The following KCNK1 variants were observed in gnomAD, a reference collection of about 807,000 sequenced individuals.
The protein encoded by KCNK1 is potassium channel subfamily K member 1.
A neutral mutation model predicts 22.2 loss-of-function variants in KCNK1; 10 were observed. That is an observed-to-expected ratio of 0.45 (90% confidence interval 0.28 to 0.76). The LOEUF (loss-of-function observed/expected upper bound fraction) is 0.76, where lower values mean the gene tolerates loss of function less well. Among genes scored for constraint, KCNK1 ranks in the 30% least tolerant of loss-of-function variants. KCNK1 has a pLI of 0.14. For missense variants in KCNK1, 378 were observed against 421.0 expected (o/e 0.90, Z 0.89); for synonymous variants, 200 against 186.4 (o/e 1.07, Z -0.60).
chr1:233,627,632 G>A (rs573076572), intron 1 of KCNK1, among the ~76,000 whole-genome samples: 31 of 152,110 alleles, frequency 2.0e-4, no homozygotes, highest in Non-Finnish European at 2.5e-4. Flanking sequence ...GGGCGGGTGC[G>A]GATGAGCTGA....
At chr1:233,623,650 G>A (rs528665844) in intron 1 of KCNK1, among the ~76,000 whole-genome samples, 7 of 152,300 alleles carry the variant, frequency 4.6e-5, no homozygotes, top group East Asian at 3.9e-4. Flanking sequence ...GTGCAGTGGC[G>A]TGATCTCAGA....
Position 233,672,215 on chromosome 1 carries a change from A to G in KCNK1, c.*685A>G, listed in dbSNP as rs1435831903. ...TTGCTACAATAAAATAAGGGGAATAATAAACTTGAGAGTGAATAACCATAG... is the reference window on the plus strand; with the variant it reads ...TTGCTACAATAAAATAAGGGGAATAGTAAACTTGAGAGTGAATAACCATAG... On this transcript the variant is annotated 3_prime_UTR_variant, in exon 3 of 3. Coordinates refer to ENST00000366621, the MANE Select transcript of KCNK1 (RefSeq NM_002245.4). The G allele has an allele frequency of 6.6e-6, 1 of 152,612 alleles. No homozygotes were observed. Among genetic ancestry groups the G allele is most frequent in the East Asian group, 1.9e-4 (1 of 5,192 alleles). 9.5% of individuals were successfully genotyped at this position (152,612 alleles called of 1,614,324 possible).
chr1:233,644,787 GGTCAAAGAGGTT>G (rs1571897906), intron 1 of KCNK1, among the ~76,000 whole-genome samples: 1 of 152,120 alleles, frequency 6.6e-6, no homozygotes, highest in East Asian at 1.9e-4. Context: ...TAAGATATTT[GGTCAAAGAGGTT>G]GTCGGGGGCC....
In KCNK1 at chr1:233,671,663, C is replaced by G; in HGVS notation, c.*133C>G. ...AAGAAATAGCTACTGTTTGCAATGT[C>G]TTATTAAAAAACAACAAAAAAAGAC... is the stretch of plus-strand genomic sequence containing the variant. On this transcript the variant is annotated 3_prime_UTR_variant, in exon 3 of 3. Transcript: ENST00000366621. 1 of 1,056,778 alleles carries G rather than the reference C, an allele frequency of 9.5e-7. No individual in the cohort carries two copies. The highest frequency in any genetic ancestry group is 1.4e-6 in the Non-Finnish European group (1 of 739,430). 65.5% of individuals were successfully genotyped at this position (1,056,778 alleles called of 1,614,324 possible).
chr1:233,614,189 C>G lies in KCNK1; in HGVS notation c.18C>G (p.Ala6=). The part of the protein sequence containing the change: MLQSL[A]GSSCVRLVER... ...TGGAGAAGATGCTGCAGTCCCTGGC[C>G]GGCAGCTCGTGCGTGCGCCTGGTGG... The change falls in exon 1 of 3, where the codon GCC becomes GCG. Residue 6 remains alanine, a synonymous_variant. Transcript: ENST00000366621. 3 of 1,605,368 alleles carry G rather than the reference C, an allele frequency of 1.9e-6. No homozygotes were observed. Among genetic ancestry groups the G allele is most frequent in the Non-Finnish European group, 2.5e-6 (3 of 1,179,094 alleles).
At chr1:233,631,714 A>G (rs759610539) in intron 1 of KCNK1, among the ~76,000 whole-genome samples, 31 of 152,210 alleles carry the variant, frequency 2.0e-4, no homozygotes, top group Non-Finnish European at 3.4e-4. Flanking sequence ...AGGCTGAGCT[A>G]GAATTTAGCT....
At chr1:233,633,835 A>T (rs1192392624) in intron 1 of KCNK1, among the ~76,000 whole-genome samples, 1 of 152,182 alleles carries the variant, frequency 6.6e-6, no homozygotes, top group Non-Finnish European at 1.5e-5. Flanking sequence ...GTGTTAGGGG[A>T]AAACCCTAAC....
rs184002018 is a variant in KCNK1 at position 233,620,537 on chromosome 1, A to G, written c.355+6011A>G. Among the ~76,000 whole-genome samples the G allele has an allele frequency of 3.3e-3, 503 of 152,286 alleles. 6 individuals carry two copies. The highest frequency in any genetic ancestry group is 2.2e-3 in the Non-Finnish European group (152 of 68,032). ...TTTTTTCCTTTAATGATGACAGTCT[A>G]CACTTCACATTGTGATTATCTTATC... On this transcript the variant is annotated intron_variant, in intron 1 of 2. Transcript: ENST00000366621.
intron 1 of KCNK1, among the ~76,000 whole-genome samples, chr1:233,616,477 A>G (rs1257567414): frequency 2.8e-4 from 42 of 152,190 alleles, no homozygotes; most frequent in Admixed American, 2.7e-3. Flanking sequence ...TGGGGTGGGA[A>G]TAGACGTCTT....
intron 1 of KCNK1, chr1:233,631,374 C>T: frequency 2.1e-6 from 1 of 480,092 alleles, no homozygotes; most frequent in South Asian, 1.6e-5. Context: ...TTAATTAGGC[C>T]TGCTTCTTTG....
chr1:233,632,117 A>G (rs554313018), intron 1 of KCNK1, among the ~76,000 whole-genome samples: 1 of 152,282 alleles, frequency 6.6e-6, no homozygotes, highest in East Asian at 1.9e-4. Flanking sequence ...GCTAAGTGGG[A>G]ATAGGACATT....
chr1:233,624,769 G>C (rs1256572451), intron 1 of KCNK1, among the ~76,000 whole-genome samples: 1 of 152,106 alleles, frequency 6.6e-6, no homozygotes, highest in Admixed American at 6.5e-5. Context: ...TGTGTACTCG[G>C]TGCACCACAA....
At chr1:233,640,706 C>T (rs1657985928) in intron 1 of KCNK1, among the ~76,000 whole-genome samples, 1 of 151,672 alleles carries the variant, frequency 6.6e-6, no homozygotes, top group South Asian at 2.1e-4. Flanking sequence ...TTCTGCTTTT[C>T]TCTCTCTCTT....
chr1:233,630,989 T>C (rs1042190350), intron 1 of KCNK1, among the ~76,000 whole-genome samples: 1 of 152,198 alleles, frequency 6.6e-6, no homozygotes, highest in Non-Finnish European at 1.5e-5. Context: ...GATACATAGC[T>C]TGTTTGCAGC....
At chr1:233,616,181 A>G (rs116133639) in intron 1 of KCNK1, among the ~76,000 whole-genome samples, 133 of 152,308 alleles carry the variant, frequency 8.7e-4, no homozygotes, top group African/African-American at 3.0e-3. Flanking sequence ...CCATGGGGCT[A>G]CAGAAAGTTT....
intron 1 of KCNK1, among the ~76,000 whole-genome samples, chr1:233,618,093 G>T (rs1206376791): frequency 6.6e-6 from 1 of 152,148 alleles, no homozygotes; most frequent in Non-Finnish European, 1.5e-5. Flanking sequence ...TGTAATGAGG[G>T]TCTTCTTCAA....
chr1:233,623,725 A>G (rs1012742222), intron 1 of KCNK1, among the ~76,000 whole-genome samples: 1 of 152,096 alleles, frequency 6.6e-6, no homozygotes, highest in Non-Finnish European at 1.5e-5. Flanking sequence ...AGTAACTGGG[A>G]CCACAGGCGC....
Position 233,671,590 on chromosome 1 carries a change from A to T in KCNK1, c.*60A>T. The T allele has an allele frequency of 6.3e-7, 1 of 1,575,078 alleles. No individual in the cohort carries two copies. Among genetic ancestry groups the T allele is most frequent in the Non-Finnish European group, 8.7e-7 (1 of 1,155,562 alleles). On this transcript the variant is annotated 3_prime_UTR_variant, in exon 3 of 3. Coordinates refer to ENST00000366621, the MANE Select transcript of KCNK1 (RefSeq NM_002245.4). Reference sequence around the variant, plus strand: ...GGTCAGGGTGCAAGGAAGAGGCTTAAGTATGTTCATTTTTATCAGAATGCA... The same window carrying T: ...GGTCAGGGTGCAAGGAAGAGGCTTATGTATGTTCATTTTTATCAGAATGCA...
At chr1:233,626,322 C>T (rs949892722) in intron 1 of KCNK1, among the ~76,000 whole-genome samples, 2 of 152,076 alleles carry the variant, frequency 1.3e-5, no homozygotes, top group African/African-American at 4.8e-5. Flanking sequence ...AAAGGAAGGC[C>T]ATGGAAGGAG....
Sources: allele counts gnomAD v4.1 joint callset (sites outside exome capture counted in the v4.1 genomes callset), GRCh38; gene constraint gnomAD v4.1.1; transcripts MANE v1.5; gene names NCBI Gene and HGNC (gene_info 2026-07-23, HGNC 2026-07-21).